Variants in KIAA1217 observed in about 807,000 individuals in gnomAD.
KIAA1217 encodes KIAA1217.
A neutral mutation model predicts 163.9 loss-of-function variants in KIAA1217; 88 were observed. That is an observed-to-expected ratio of 0.54 (90% CI 0.45 to 0.64). KIAA1217 has a LOEUF of 0.64. KIAA1217 is among the 30% of genes least tolerant of loss of function. The pLI is 0.00. For synonymous variants in KIAA1217, 903 were observed against 923.1 expected (o/e 0.98, Z 0.39); for missense variants, 2,372 against 2,475.0 (o/e 0.96, Z 0.88).
At chr10:24,351,941 TC>T (rs2048508697) in intron 2 of KIAA1217, among the ~76,000 whole-genome samples, 1 of 152,122 alleles carries the variant, frequency 6.6e-6, no homozygotes, top group African/African-American at 2.4e-5. Context: ...GGTCTGACCC[TC>T]CCCTGTGGTT....
chr10:24,316,891 A>T (rs1035194197), intron 2 of KIAA1217, among the ~76,000 whole-genome samples: 8 of 152,176 alleles, frequency 5.3e-5, no homozygotes, highest in Non-Finnish European at 1.0e-4. Context: ...CTTTGAATGG[A>T]ATGAAAACTG....
At chr10:24,185,482 C>G (rs1433148420) in intron 2 of KIAA1217, among the ~76,000 whole-genome samples, 1 of 152,132 alleles carries the variant, frequency 6.6e-6, no homozygotes, top group Non-Finnish European at 1.5e-5. Flanking sequence ...ATACTATTAC[C>G]TAATTTACCA....
intron 2 of KIAA1217, among the ~76,000 whole-genome samples, chr10:24,071,000 C>T (rs72773167): frequency 0.023 from 3,505 of 151,966 alleles, 61 homozygotes; most frequent in South Asian, 0.046. Context: ...TGAATATTCA[C>T]AAAAGTAGAT....
chr10:23,785,239 GC>G (rs1835438592), intron 1 of KIAA1217, among the ~76,000 whole-genome samples: 1 of 152,072 alleles, frequency 6.6e-6, no homozygotes. Flanking sequence ...GCGCCATAGG[GC>G]CCCAGACCCT....
intron 2 of KIAA1217, among the ~76,000 whole-genome samples, chr10:24,348,759 TG>T (rs759871744): frequency 1.2e-4 from 19 of 152,172 alleles, no homozygotes; most frequent in Middle Eastern, 6.8e-3. Context: ...GCTGAATCAT[TG>T]GGGATTTTCT....
intron 2 of KIAA1217, among the ~76,000 whole-genome samples, chr10:24,364,851 G>A (rs1274588897): frequency 6.6e-6 from 1 of 151,072 alleles, no homozygotes; most frequent in Non-Finnish European, 1.5e-5. Flanking sequence ...GTACGTTGGT[G>A]TGATCATAGC....
chr10:23,987,309 G>A (rs562693776), intron 1 of KIAA1217, among the ~76,000 whole-genome samples: 55 of 147,904 alleles, frequency 3.7e-4, no homozygotes, highest in African/African-American at 1.3e-3. Flanking sequence ...CCCGGGAGGC[G>A]GAGCTTGCAG....
At chr10:24,085,896 A>T (rs57786340) in intron 2 of KIAA1217, among the ~76,000 whole-genome samples, 4 of 151,866 alleles carry the variant, frequency 2.6e-5, no homozygotes, top group African/African-American at 7.3e-5. Flanking sequence ...TCACTTAAGC[A>T]GAGGAGGTTG....
intron 1 of KIAA1217, among the ~76,000 whole-genome samples, chr10:23,842,145 G>T (rs1838817235): frequency 2.6e-5 from 4 of 152,144 alleles, no homozygotes; most frequent in Non-Finnish European, 5.9e-5. Flanking sequence ...TGGGATTACA[G>T]GTGTGAGCCA....
intron 1 of KIAA1217, among the ~76,000 whole-genome samples, chr10:23,857,830 T>TA (rs1438074399): frequency 6.6e-6 from 1 of 152,222 alleles, no homozygotes; most frequent in East Asian, 1.9e-4. Flanking sequence ...TGTTCATATA[T>TA]ATGTATGTAT....
At chr10:24,218,972 A>G (rs961768875) in intron 1 of KIAA1217, among the ~76,000 whole-genome samples, 44 of 152,192 alleles carry the variant, frequency 2.9e-4, no homozygotes, top group African/African-American at 1.1e-3. Context: ...GAATCCTGTT[A>G]CCAGAATGCA....
At chr10:24,520,343 G>A in intron 11 of KIAA1217, 90 bp downstream of exon 11, 1 of 1,528,838 alleles carries the variant, frequency 6.5e-7, no homozygotes, top group Non-Finnish European at 8.9e-7. Flanking sequence ...ATTCATGTAT[G>A]CAAGTATTTA....
intron 2 of KIAA1217, among the ~76,000 whole-genome samples, chr10:24,094,245 G>C (rs1170631089): frequency 6.6e-6 from 1 of 152,118 alleles, no homozygotes; most frequent in African/African-American, 2.4e-5. Flanking sequence ...CACAATGGTT[G>C]AACTAGTTTA....
intron 2 of KIAA1217, among the ~76,000 whole-genome samples, chr10:24,247,786 G>C (rs1454908878): frequency 2.0e-5 from 3 of 152,192 alleles, no homozygotes; most frequent in African/African-American, 7.2e-5. Flanking sequence ...GGACAACAGA[G>C]TGAGGCTCCG....
At chr10:24,402,530 A>AAAC (rs1554849377) in intron 3 of KIAA1217, among the ~76,000 whole-genome samples, 12 of 86,618 alleles carry the variant, frequency 1.4e-4, no homozygotes, top group African/African-American at 3.8e-4. Context: ...AAACAAAACA[A>AAAC]AAAAAAAAAA....
At chr10:24,147,358 A>G (rs946691574) in intron 2 of KIAA1217, among the ~76,000 whole-genome samples, 1 of 152,134 alleles carries the variant, frequency 6.6e-6, no homozygotes, top group Non-Finnish European at 1.5e-5. Flanking sequence ...TTTTAAAGTG[A>G]TCTATATTGT....
intron 1 of KIAA1217, among the ~76,000 whole-genome samples, chr10:23,908,486 G>A (rs1260913946): frequency 6.6e-6 from 1 of 151,890 alleles, no homozygotes; most frequent in East Asian, 1.9e-4. Flanking sequence ...TCACCCCTTA[G>A]GTGTTCGCAT....
intron 1 of KIAA1217, among the ~76,000 whole-genome samples, chr10:23,946,849 C>T (rs1589126808): frequency 6.6e-6 from 1 of 152,232 alleles, no homozygotes; most frequent in East Asian, 1.9e-4. Flanking sequence ...CATGGTTTTG[C>T]TGTGTCCCCA....
At chr10:24,303,126 A>G (rs972345866) in intron 2 of KIAA1217, among the ~76,000 whole-genome samples, 1 of 151,886 alleles carries the variant, frequency 6.6e-6, no homozygotes, top group South Asian at 2.1e-4. Context: ...CGATCCTCCC[A>G]TCTCAGCCTT....
Sources: allele counts gnomAD v4.1 joint callset (sites outside exome capture counted in the v4.1 genomes callset), GRCh38; gene constraint gnomAD v4.1.1; transcripts MANE v1.5; gene names NCBI Gene and HGNC (gene_info 2026-07-23, HGNC 2026-07-21).